Variants in EPHB6 observed in about 807,000 individuals in gnomAD.
EPHB6 encodes the protein EPH receptor B6.
EPHB6 carries 51 observed loss-of-function variants against 107.0 expected under a neutral mutation model. That is an observed-to-expected ratio of 0.48 (90% confidence interval 0.38 to 0.60). The LOEUF is 0.60. Ranked by LOEUF, EPHB6 falls within the 20% of genes least tolerant of loss-of-function variation. EPHB6 has a pLI of 0.00. For missense variants in EPHB6, 1,141 were observed against 1,355.5 expected (o/e 0.84, Z 2.48); for synonymous variants, 553 against 549.0 (o/e 1.01, Z -0.10).
At position 142,867,209 on chromosome 7, in the gene EPHB6, C is replaced by A; in HGVS notation, c.1750+141C>A. 9.3e-7 allele frequency: 1 copy of A among 1,071,726 alleles called. No homozygotes were observed. The highest frequency in any genetic ancestry group is 2.6e-5 in the East Asian group (1 of 38,852). The allele number at this position is 1,071,726 out of a possible 1,614,324, so 66.4% of individuals were successfully genotyped here. On this transcript the variant is annotated intron_variant, in intron 11 of 19. Transcript: ENST00000652003. This position sits in a 1 kb window ranked among gnomAD's most constrained non-coding sequence, Gnocchi z 5.3. ...GTGGGAAAGGAGAGTGCCTTTTGCT[C>A]AGCAGCTGACCTAGGGGCTACTCGG... is the stretch of plus-strand genomic sequence containing the variant.
rs1167610018 is a variant in EPHB6 at position 142,868,600 on chromosome 7, C to T, written c.2147C>T (p.Thr716Ile). The change falls in exon 15 of 20, where the codon ACC (threonine) becomes ATC (isoleucine). Residue 716 changes from threonine to isoleucine, a missense_variant. Transcript: ENST00000652003. The surrounding 1 kb of genome is among the most constrained non-coding windows in gnomAD (Gnocchi z 4.2). Reference protein sequence around the residue: ...WAGGAESLQMTFLGRAAVLGQ... With the variant: ...WAGGAESLQMIFLGRAAVLGQ... ...GGGGGCGCCGAAAGCCTGCAGATGA[C>T]CTTCCTGGGCCGGGCCGCAGTGCTG... 1.2e-6 allele frequency: 2 copies of T among 1,613,646 alleles called. No homozygotes were observed. The highest frequency in any genetic ancestry group is 2.2e-5 in the East Asian group (1 of 44,870).
At position 142,865,828 on chromosome 7, in the gene EPHB6, G is replaced by A. The variant is rs867155040; in HGVS notation, c.1106-132G>A. ...CCTGGGCCCACATCCTGCCTCTCTG[G>A]GCTACCCCCACCCCACGCTCTTCTG... On this transcript the variant is annotated intron_variant, in intron 8 of 19. Transcript: ENST00000652003. 13 of 1,156,324 alleles carry A rather than the reference G, an allele frequency of 1.1e-5. 1 individual carries two copies. Among genetic ancestry groups the A allele is most frequent in the South Asian group, 8.0e-5 (6 of 74,948 alleles). The allele number at this position is 1,156,324 out of a possible 1,614,324, so 71.6% of individuals were successfully genotyped here.
In EPHB6 at chr7:142,864,135, G is replaced by T. The variant is rs758452768; in HGVS notation, c.335G>T (p.Arg112Leu). The T allele has an allele frequency of 6.2e-7, 1 of 1,614,030 alleles. No homozygotes were observed. The change falls in exon 7 of 20, where the codon CGG becomes CTG. Residue 112 changes from arginine to leucine, a missense_variant. Arg to Leu is a moderately radical substitution (Grantham distance 102, BLOSUM62 -2). Coordinates refer to ENST00000652003, the MANE Select transcript of EPHB6 (RefSeq NM_004445.6). The stretch of plus-strand genomic sequence containing the variant: ...CACATTCGACTCCACTTCTCTGTGC[G>T]GGCATGCTCCAGCCTGGGTGTGAGC... ...RAHIRLHFSV[R>L]ACSSLGVSGG...
In EPHB6 at chr7:142,866,176, T is replaced by C; in HGVS notation, c.1322T>C (p.Leu441Pro). 6.2e-7 allele frequency: 1 copy of C among 1,614,136 alleles called. No individual in the cohort carries two copies. The highest frequency in any genetic ancestry group is 8.5e-7 in the Non-Finnish European group (1 of 1,180,028). Residue 441 changes from leucine to proline, a missense_variant, in exon 9 of 20, where the codon CTG becomes CCG. Physicochemically the swap from Leu to Pro is moderately conservative, Grantham distance 98 (BLOSUM62 -3). This residue lies in a region of EPHB6 where 304 missense variants were observed against 295.7 expected (regional missense o/e 1.03). Coordinates refer to ENST00000652003, the MANE Select transcript of EPHB6 (RefSeq NM_004445.6). This position sits in a 1 kb window ranked among gnomAD's most constrained non-coding sequence, Gnocchi z 5.2. ...EVHFDPRQRG[L>P]TESRVLVGGL... ...CACTTCGACCCTCGCCAGAGAGGCCTGACTGAGAGCCGAGTGTTAGTGGGG... is the reference window on the plus strand; with the variant it reads ...CACTTCGACCCTCGCCAGAGAGGCCCGACTGAGAGCCGAGTGTTAGTGGGG...
chr7:142,866,720 G>A lies in EPHB6; in HGVS notation c.1587+115G>A. ...GGAATGAGGGGTCCGCAACAGGGCTGGCAGGAGCTCACAGTCCCCACAGTA... is the reference window on the plus strand; with the variant it reads ...GGAATGAGGGGTCCGCAACAGGGCTAGCAGGAGCTCACAGTCCCCACAGTA... On this transcript the variant is annotated intron_variant, in intron 10 of 19. Transcript: ENST00000652003. The surrounding 1 kb of genome is among the most constrained non-coding windows in gnomAD (Gnocchi z 5.2). The A allele has an allele frequency of 1.3e-6, 2 of 1,597,530 alleles. No individual in the cohort carries two copies. Among genetic ancestry groups the A allele is most frequent in the Non-Finnish European group, 1.7e-6 (2 of 1,169,786 alleles).
In EPHB6 at chr7:142,855,561, G is replaced by T. The variant is rs8177103; in HGVS notation, c.-432+176G>T. ...TGGGGTTCATGAAGGGTGAGGAAAC[G>T]GTCAACCTGGCTACTCCCCTCTCAC... On this transcript the variant is annotated intron_variant, in intron 1 of 19. Coordinates refer to ENST00000652003, the MANE Select transcript of EPHB6 (RefSeq NM_004445.6). This position sits in a 1 kb window ranked among gnomAD's most constrained non-coding sequence, Gnocchi z 4.2. 6.6e-6 allele frequency among the ~76,000 whole-genome samples: 1 copy of T among 152,074 alleles called. No individual in the cohort carries two copies. The highest frequency in any genetic ancestry group is 1.5e-5 in the Non-Finnish European group (1 of 67,990).
chr7:142,863,637 T>G lies in EPHB6; in HGVS notation c.107T>G (p.Leu36Trp). The stretch of plus-strand genomic sequence containing the variant: ...CCCTCTTATTTCTGGGCAGAGGTAT[T>G]GCTGGACACCACCGGAGAGACATCT... ...VSSVLALEEV[L>W]LDTTGETSEI... The change falls in exon 6 of 20, where the codon TTG becomes TGG. Residue 36 changes from leucine to tryptophan, a missense_variant. By Grantham distance (61) the Leu-to-Trp change is moderately conservative. Around this residue, in one of 3 missense-constraint regions of EPHB6, gnomAD observed 221 missense variants for 300.5 expected, o/e 0.74. Transcript: ENST00000652003. 6.2e-7 allele frequency: 1 copy of G among 1,613,728 alleles called. No homozygotes were observed. Among genetic ancestry groups the G allele is most frequent in the East Asian group, 2.2e-5 (1 of 44,830 alleles).
rs747603458 is a variant in EPHB6, at chr7:142,867,673, G to C, written c.1816G>C (p.Ala606Pro). 1 of 1,613,526 alleles carries C rather than the reference G, an allele frequency of 6.2e-7. No homozygotes were observed. Among genetic ancestry groups the C allele is most frequent in the Non-Finnish European group, 8.5e-7 (1 of 1,179,940 alleles). ...GATCGGCTCCATCCTGGGGGCTTTG[G>C]CCTTCCTCCTGCTGGCAGCCATCAC... ...LVIGSILGAL[A>P]FLLLAAITVL... Residue 606 changes from alanine to proline, a missense_variant, in exon 12 of 20, where the codon GCC becomes CCC. Ala to Pro is a conservative substitution (Grantham distance 27). Transcript: ENST00000652003. The surrounding 1 kb of genome is among the most constrained non-coding windows in gnomAD (Gnocchi z 5.3).
Position 142,868,313 on chromosome 7 carries a change from G to A in EPHB6, c.1991G>A (p.Arg664Gln), listed in dbSNP as rs751723077. 2.7e-5 allele frequency: 43 copies of A among 1,613,986 alleles called. 1 individual carries two copies. The South Asian group carries it at 3.0e-4, about 11-fold the overall frequency. The part of the protein sequence containing the change: ...DPCQAIRELA[R>Q]EVDPAYIKIE... ...TGTCAGGCCATCCGAGAACTTGCCC[G>A]GGAAGTCGATCCTGCTTATATCAAG... is the stretch of plus-strand genomic sequence containing the variant. The change falls in exon 14 of 20, where the codon CGG becomes CAG. Residue 664 changes from arginine (R) to glutamine (Q), a missense_variant. Coordinates refer to ENST00000652003, the MANE Select transcript of EPHB6 (RefSeq NM_004445.6). This position sits in a 1 kb window ranked among gnomAD's most constrained non-coding sequence, Gnocchi z 4.2.
At chr7:142,857,218 A>C (rs2116371008) in intron 1 of EPHB6, among the ~76,000 whole-genome samples, 1 of 152,176 alleles carries the variant, frequency 6.6e-6, no homozygotes, top group South Asian at 2.1e-4. Context: ...GCTCTGGGGG[A>C]CATTCTCAGG....
chr7:142,856,890 A>G (rs1178295555), intron 1 of EPHB6, among the ~76,000 whole-genome samples: 1 of 152,002 alleles, frequency 6.6e-6, no homozygotes, highest in Non-Finnish European at 1.5e-5. Flanking sequence ...GCTCCCGCCC[A>G]CCTCATCTCA....
chr7:142,868,518 C>G lies in EPHB6; in HGVS notation c.2065C>G (p.Arg689Gly), dbSNP rs375181054. 3 of 1,613,842 alleles carry G rather than the reference C, an allele frequency of 1.9e-6. No individual in the cohort carries two copies. The highest frequency in any genetic ancestry group is 2.5e-6 in the Non-Finnish European group (3 of 1,180,036). The change falls in exon 15 of 20, where the codon CGC becomes GGC. Residue 689 changes from arginine (R) to glycine (G), a missense_variant. Around this residue, in one of 3 missense-constraint regions of EPHB6, gnomAD observed 616 missense variants for 759.3 expected, o/e 0.81. Coordinates refer to ENST00000652003, the MANE Select transcript of EPHB6 (RefSeq NM_004445.6). The surrounding 1 kb of genome is among the most constrained non-coding windows in gnomAD (Gnocchi z 4.2). ...TGSFGEVRQG[R>G]LQPRGRREQT... ...CTCTTTTGGAGAAGTGCGCCAGGGCCGCCTGCAGCCACGGGGACGGAGGGA... is the reference window on the plus strand; with the variant it reads ...CTCTTTTGGAGAAGTGCGCCAGGGCGGCCTGCAGCCACGGGGACGGAGGGA...
intron 1 of EPHB6, among the ~76,000 whole-genome samples, chr7:142,858,988 C>T (rs768157642): frequency 3.3e-5 from 5 of 152,144 alleles, no homozygotes; most frequent in South Asian, 2.1e-4. Flanking sequence ...TTGTCTAATC[C>T]GTCTCGTTTT....
chr7:142,867,005 G>T lies in EPHB6; in HGVS notation c.1687G>T (p.Ala563Ser), dbSNP rs1267569102. 1 of 1,614,036 alleles carries T rather than the reference G, an allele frequency of 6.2e-7. No individual in the cohort carries two copies. Among genetic ancestry groups the T allele is most frequent in the Non-Finnish European group, 8.5e-7 (1 of 1,180,004 alleles). ...CCACATCTATGGTTTCCAGGTGCGGGCCCGGACTGCTGCCGGCCACGGCCC... is the reference window on the plus strand; with the variant it reads ...CCACATCTATGGTTTCCAGGTGCGGTCCCGGACTGCTGCCGGCCACGGCCC... ...PGHIYGFQVR[A>S]RTAAGHGPYG... is the part of the protein sequence containing the mutation. Residue 563 changes from alanine (A) to serine (S), a missense_variant, in exon 11 of 20, where the codon GCC becomes TCC. This residue lies in a region of EPHB6 where 616 missense variants were observed against 759.3 expected (regional missense o/e 0.81). Coordinates refer to ENST00000652003, the MANE Select transcript of EPHB6 (RefSeq NM_004445.6). This position sits in a 1 kb window ranked among gnomAD's most constrained non-coding sequence, Gnocchi z 5.3.
Position 142,869,662 on chromosome 7 carries a change from A to G in EPHB6, c.2461-155A>G, listed in dbSNP as rs1794804087. ...GTGACTATTGCTTCTGCTTCTGTGA[A>G]ATGGAGATGATATCATCCACCTTAG... On this transcript the variant is annotated intron_variant, in intron 16 of 19. Coordinates refer to ENST00000652003, the MANE Select transcript of EPHB6 (RefSeq NM_004445.6). The surrounding 1 kb of genome is among the most constrained non-coding windows in gnomAD (Gnocchi z 4.5). 3.5e-6 allele frequency: 3 copies of G among 858,756 alleles called. No homozygotes were observed. Among genetic ancestry groups the G allele is most frequent in the African/African-American group, 3.3e-5 (2 of 59,722 alleles). 53.2% of individuals were successfully genotyped at this position (858,756 alleles called of 1,614,324 possible).
rs749587279 is a variant in EPHB6, at chr7:142,866,133, C to T, written c.1279C>T (p.Arg427Cys). The change falls in exon 9 of 20, where the codon CGC becomes TGC. Residue 427 changes from arginine to cysteine, a missense_variant. By Grantham distance (180) the Arg-to-Cys change is radical (BLOSUM62 -3). Coordinates refer to ENST00000652003, the MANE Select transcript of EPHB6 (RefSeq NM_004445.6). The surrounding 1 kb of genome is among the most constrained non-coding windows in gnomAD (Gnocchi z 5.2). ...CAGCGGTGGTGGGGGCACTTGTCAC[C>T]GCTGCAGGGATGAGGTCCACTTCGA... ...PASGGGGTCHRCRDEVHFDPR... is the reference protein window; with the variant it reads ...PASGGGGTCHCCRDEVHFDPR... 3 of 1,613,628 alleles carry T rather than the reference C, an allele frequency of 1.9e-6. No individual in the cohort carries two copies. The highest frequency in any genetic ancestry group is 1.3e-5 in the African/African-American group (1 of 74,898).
At chr7:142,856,027 T>C (rs8177105) in intron 1 of EPHB6, among the ~76,000 whole-genome samples, 22,373 of 152,142 alleles carry the variant, frequency 0.15, 1,865 homozygotes, top group Middle Eastern at 0.19. Flanking sequence ...CCACCGATCT[T>C]GGCCGTCTGG....
In EPHB6 at chr7:142,868,584, G is replaced by A. The variant is rs746719988; in HGVS notation, c.2131G>A (p.Glu711Lys). The change falls in exon 15 of 20, where the codon GAA becomes AAA. Residue 711 changes from glutamate (E) to lysine (K), a missense_variant. Transcript: ENST00000652003. This position sits in a 1 kb window ranked among gnomAD's most constrained non-coding sequence, Gnocchi z 4.2. ...AIQALWAGGA[E>K]SLQMTFLGRA... ...CCAGGCCCTGTGGGCCGGGGGCGCC[G>A]AAAGCCTGCAGATGACCTTCCTGGG... 4.3e-5 allele frequency: 69 copies of A among 1,613,318 alleles called. No individual in the cohort carries two copies. The highest frequency in any genetic ancestry group is 5.3e-5 in the Non-Finnish European group (63 of 1,179,938).
Position 142,865,537 on chromosome 7 carries a change from C to G in EPHB6, c.1012C>G (p.Arg338Gly). The G allele has an allele frequency of 6.2e-7, 1 of 1,613,542 alleles. No homozygotes were observed. Among genetic ancestry groups the G allele is most frequent in the Non-Finnish European group, 8.5e-7 (1 of 1,179,994 alleles). Residue 338 changes from arginine to glycine, a missense_variant, in exon 8 of 20, where the codon CGC (arginine) becomes GGC (glycine). Around this residue, in one of 3 missense-constraint regions of EPHB6, gnomAD observed 304 missense variants for 295.7 expected, o/e 1.03. Transcript: ENST00000652003. ...GNAPCSPCPA[R>G]SHAPNPAAPV... Reference sequence around the variant, plus strand: ...TGCTCCCTGCTCACCATGCCCTGCCCGCAGTCACGCTCCCAACCCAGCAGC... The same window carrying G: ...TGCTCCCTGCTCACCATGCCCTGCCGGCAGTCACGCTCCCAACCCAGCAGC...
Sources: gnomAD v4.1 joint callset for allele counts (sites outside exome capture counted in the v4.1 genomes callset) on GRCh38, gnomAD v4.1.1 for gene constraint, gnomAD v4.1.1 regional missense constraint, Gnocchi (gnomAD v3.1) non-coding constraint, MANE v1.5 for transcripts, NCBI Gene and HGNC (gene_info 2026-07-23, HGNC 2026-07-21) for gene names.